The following FGF10 variants were observed in gnomAD, a reference collection of about 807,000 sequenced individuals.
The protein encoded by FGF10 is fibroblast growth factor 10.
In FGF10, 2 loss-of-function variants were observed where a neutral mutation model predicts 19.8. The ratio of observed to expected loss-of-function variants is 0.10; its 90% CI spans 0.04 to 0.32. The LOEUF is 0.32. FGF10 is among the 10% of genes least tolerant of loss of function. The pLI is 1.00. For synonymous variants in FGF10, 112 were observed against 94.0 expected, an observed-to-expected ratio of 1.19 and a Z score of -1.10; for missense variants, 191 against 246.3, an observed-to-expected ratio of 0.78 and a Z score of 1.50.
At chr5:44,306,269 C>T (rs189825573) in intron 2 of FGF10, among the ~76,000 whole-genome samples, 91 of 152,134 alleles carry the variant, frequency 6.0e-4, no homozygotes, top group African/African-American at 2.0e-3. Context: ...TATTGGTGGG[C>T]GCCTGTAATC....
chr5:44,373,840 T>C (rs1219507751), intron 1 of FGF10, among the ~76,000 whole-genome samples: 4 of 152,140 alleles, frequency 2.6e-5, no homozygotes, highest in Non-Finnish European at 4.4e-5. Context: ...TTCTTTATCA[T>C]GTGCTTCAAA....
rs558482885 is a variant in FGF10 at position 44,322,865 on chromosome 5, A to T, written c.326-12335T>A. Among the ~76,000 whole-genome samples the T allele has an allele frequency of 2.8e-3, 421 of 152,156 alleles. 2 individuals carry two copies. The highest frequency in any genetic ancestry group is 9.8e-3 in the African/African-American group (405 of 41,518). ...ATGTTATTATATATTACAATGTAAT[A>T]ATAATAATAGAAATAAAGTACGCAA... On this transcript the variant is annotated intron_variant, in intron 1 of 2. Transcript: ENST00000264664.
At chr5:44,331,584 G>T (rs1740736771) in intron 1 of FGF10, among the ~76,000 whole-genome samples, 1 of 152,076 alleles carries the variant, frequency 6.6e-6, no homozygotes, top group Admixed American at 6.6e-5. Context: ...TGAGCAAGTT[G>T]TACTGAGGGT....
At chr5:44,337,354 T>G (rs998504499) in intron 1 of FGF10, among the ~76,000 whole-genome samples, 1 of 152,164 alleles carries the variant, frequency 6.6e-6, no homozygotes, top group Admixed American at 6.6e-5. Flanking sequence ...TGAAGTTCAC[T>G]CTTAGTAAAC....
intron 2 of FGF10, among the ~76,000 whole-genome samples, chr5:44,309,344 A>C (rs1455404285): frequency 6.6e-6 from 1 of 152,184 alleles, no homozygotes; most frequent in Non-Finnish European, 1.5e-5. Context: ...CCACATGCAC[A>C]AACTAATATA....
intron 1 of FGF10, among the ~76,000 whole-genome samples, chr5:44,358,981 T>G (rs1446739961): frequency 6.6e-6 from 1 of 151,550 alleles, no homozygotes; most frequent in Non-Finnish European, 1.5e-5. Context: ...CCTCTGCTTT[T>G]GTGGTACATT....
At chr5:44,362,251 C>A (rs928713498) in intron 1 of FGF10, among the ~76,000 whole-genome samples, 2 of 151,720 alleles carry the variant, frequency 1.3e-5, no homozygotes, top group Admixed American at 1.3e-4. Context: ...TTCACAATGT[C>A]CCCAATGTCT....
intron 1 of FGF10, among the ~76,000 whole-genome samples, chr5:44,334,767 G>T (rs1271184367): frequency 6.6e-6 from 1 of 152,068 alleles, no homozygotes; most frequent in African/African-American, 2.4e-5. Context: ...ACCTGATATG[G>T]TAATGCCTAG....
At chr5:44,326,580 A>G (rs1381345015) in intron 1 of FGF10, among the ~76,000 whole-genome samples, 1 of 150,544 alleles carries the variant, frequency 6.6e-6, no homozygotes, top group South Asian at 2.1e-4. Flanking sequence ...TTTTTTTTTA[A>G]TATTGTTTGT....
rs576181814 is a variant in FGF10, at chr5:44,388,612, AAGCAGC to A, written c.65_70del (p.Cys22_Cys23del). The A allele has an allele frequency of 2.5e-6, 4 of 1,614,026 alleles. No individual in the cohort carries two copies. Among genetic ancestry groups the A allele is most frequent in the East Asian group, 2.2e-5 (1 of 44,854 alleles). ...GGAAGACACCAAGAACAGCAACAAA[AAGCAGC>A]AGCAGCAGCAGCCGGGCAGGTGGGG... is the stretch of plus-strand genomic sequence containing the variant. On this transcript the variant is annotated inframe_deletion, in exon 1 of 3. Coordinates refer to ENST00000264664, the MANE Select transcript of FGF10 (RefSeq NM_004465.2).
intron 1 of FGF10, among the ~76,000 whole-genome samples, chr5:44,313,605 T>C (rs1311497839): frequency 1.3e-5 from 2 of 150,646 alleles, no homozygotes; most frequent in Non-Finnish European, 1.5e-5. Flanking sequence ...TTTTTTTAAC[T>C]CAAAGAAACA....
chr5:44,378,057 C>A (rs1741905448), intron 1 of FGF10, among the ~76,000 whole-genome samples: 1 of 149,722 alleles, frequency 6.7e-6, no homozygotes, highest in Admixed American at 6.8e-5. Flanking sequence ...ACATGACATA[C>A]CACTATTACA....
At chr5:44,330,673 A>T (rs1252220621) in intron 1 of FGF10, among the ~76,000 whole-genome samples, 1 of 152,214 alleles carries the variant, frequency 6.6e-6, no homozygotes, top group Non-Finnish European at 1.5e-5. Flanking sequence ...ATAACTGTGT[A>T]TGTAATGAAT....
intron 1 of FGF10, among the ~76,000 whole-genome samples, chr5:44,325,071 T>G (rs1439093992): frequency 6.6e-6 from 1 of 152,134 alleles, no homozygotes; most frequent in African/African-American, 2.4e-5. Context: ...TCATAATAAG[T>G]GGGCGAAGGA....
At position 44,303,592 on chromosome 5, in the gene FGF10, C is replaced by T. The variant is rs951098696; in HGVS notation, c.*1403G>A. The T allele has an allele frequency of 2.0e-5, 3 of 152,068 alleles. No homozygotes were observed. The highest frequency in any genetic ancestry group is 4.8e-5 in the African/African-American group (2 of 41,416). 9.4% of individuals were successfully genotyped at this position (152,068 alleles called of 1,614,324 possible). On this transcript the variant is annotated 3_prime_UTR_variant, in exon 3 of 3. Coordinates refer to ENST00000264664, the MANE Select transcript of FGF10 (RefSeq NM_004465.2). The stretch of plus-strand genomic sequence containing the variant: ...ATACAATGTGATGATGATTGGTAAA[C>T]TCTTATGTACTCTTTTCTATACCTG...
At chr5:44,320,422 A>C (rs908036331) in intron 1 of FGF10, among the ~76,000 whole-genome samples, 1 of 152,208 alleles carries the variant, frequency 6.6e-6, no homozygotes, top group Admixed American at 6.5e-5. Flanking sequence ...ATGAGTAAAA[A>C]ACAAACATCA....
chr5:44,386,133 T>C (rs758041412), intron 1 of FGF10, among the ~76,000 whole-genome samples: 1 of 152,126 alleles, frequency 6.6e-6, no homozygotes, highest in Non-Finnish European at 1.5e-5. Flanking sequence ...ACAATATATA[T>C]TGTATACTTT....
Position 44,302,275 on chromosome 5 carries a change from TTTCCTTGC to T in FGF10, c.*2712_*2719del, listed in dbSNP as rs752304520. 5.2e-3 allele frequency among the ~76,000 whole-genome samples: 707 copies of T among 136,454 alleles called. 7 individuals are homozygous for T. Among genetic ancestry groups the T allele is most frequent in the African/African-American group, 0.017 (614 of 35,402 alleles). The allele number at this position is 136,454 out of a possible 152,430, so 89.5% of individuals were successfully genotyped here. ...CCTCCCTTCTTTCCTTCCTTCCTTC[TTTCCTTGC>T]TTCCTTCCTTCCTTCCTTCCTTCCT... On this transcript the variant is annotated 3_prime_UTR_variant, in exon 3 of 3. Coordinates refer to ENST00000264664, the MANE Select transcript of FGF10 (RefSeq NM_004465.2).
At chr5:44,349,453 T>TCAGAATATATATATATATCAGA (rs1308211947) in intron 1 of FGF10, among the ~76,000 whole-genome samples, 2,541 of 22,786 alleles carry the variant, frequency 0.11, 84 homozygotes, top group Admixed American at 0.2. Flanking sequence ...TATATATATA[T>TCAGAATATATATATATATCAGA]ATATATATAT....
Sources: allele counts gnomAD v4.1 joint callset (sites outside exome capture counted in the v4.1 genomes callset), GRCh38; gene constraint gnomAD v4.1.1; transcripts MANE v1.5; gene names NCBI Gene and HGNC (gene_info 2026-07-23, HGNC 2026-07-21).